VILL: variants seen among roughly 807,000 people sequenced by gnomAD.
VILL encodes villin like.
Under a neutral mutation model 106.3 loss-of-function variants are expected in VILL, and 102 were observed. That is an observed-to-expected ratio of 0.96 (90% CI 0.82 to 1.13). VILL has a LOEUF of 1.13. VILL is among the 50% of genes most tolerant of loss of function. The pLI is 0.00. For synonymous variants in VILL, 431 were observed against 440.3 expected, an observed-to-expected ratio of 0.98 and a Z score of 0.27; for missense variants, 1,076 against 1,116.6, an observed-to-expected ratio of 0.96 and a Z score of 0.52.
chr3:37,999,310 G>A (rs370937155), intron 10 of VILL, 29 bp from the exon 11 acceptor site: 8 of 1,474,810 alleles, frequency 5.4e-6, no homozygotes, highest in Middle Eastern at 1.9e-4. Context: ...GGCAGAGGGC[G>A]CCACTGACGC....
chr3:37,990,022 G>A (rs149135428), upstream of VILL, among the ~76,000 whole-genome samples: 72 of 152,324 alleles, frequency 4.7e-4, no homozygotes, highest in African/African-American at 1.7e-3. The surrounding 1 kb of genome is among the most constrained non-coding windows in gnomAD (Gnocchi z 5.1). Context: ...CTTTAGCAGC[G>A]TGGCTTTGAT....
chr3:38,006,131 G>A (rs763037842), intron 17 of VILL, 50 bp from the exon 18 acceptor site: 16 of 1,612,646 alleles, frequency 9.9e-6, no homozygotes, highest in African/African-American at 1.3e-5. Context: ...TCCCATTGGT[G>A]CCCCCTTCTC....
chr3:37,994,607 C>A, intron 4 of VILL, 141 bp downstream of exon 4: 1 of 849,748 alleles, frequency 1.2e-6, no homozygotes, highest in Non-Finnish European at 1.8e-6. Flanking sequence ...AGATACAACT[C>A]ATACGCCATA....
At chr3:37,990,137 C>T (rs1006482810), upstream of VILL, among the ~76,000 whole-genome samples, 2 of 152,206 alleles carry the variant, frequency 1.3e-5, no homozygotes, top group African/African-American at 4.8e-5. The surrounding 1 kb of genome is among the most constrained non-coding windows in gnomAD (Gnocchi z 5.1). Flanking sequence ...GCAGCCCCTC[C>T]ACCCCACAGT....
chr3:37,988,909 A>G (rs1034760841), upstream of VILL, among the ~76,000 whole-genome samples: 1 of 152,236 alleles, frequency 6.6e-6, no homozygotes, highest in Non-Finnish European at 1.5e-5. Flanking sequence ...AATTTTAAGT[A>G]TATTTTACTA....
In VILL at chr3:37,993,908, TG is replaced by T; in HGVS notation, c.73del (p.Val25CysfsTer96). 6.2e-7 allele frequency: 1 copy of T among 1,614,162 alleles called. No homozygotes were observed. Among genetic ancestry groups the T allele is most frequent in the Non-Finnish European group, 8.5e-7 (1 of 1,180,026 alleles). ...LHIWISENRK[M>X]VPVPEGAYGN... ...ACTCTCCTCTCCCAGAACCGGAAGATGGTGCCGGTACCCGAGGGGGCTTACG... is the reference window on the plus strand; with the variant it reads ...ACTCTCCTCTCCCAGAACCGGAAGATGTGCCGGTACCCGAGGGGGCTTACG... On this transcript the variant is annotated frameshift_variant, in exon 3 of 20. Transcript: ENST00000383759. LOFTEE classifies it high-confidence loss of function.
In VILL at chr3:37,997,675, C is replaced by T. The variant is rs773133530; in HGVS notation, c.754C>T (p.Arg252Cys). 1.6e-5 allele frequency: 26 copies of T among 1,584,310 alleles called. No homozygotes were observed. The highest frequency in any genetic ancestry group is 2.0e-5 in the Non-Finnish European group (23 of 1,163,086). ...CAACCAGCTGCAGAAGGCCAATGTT[C>T]GCCTGTACCAGTGAGTACCCCTGGG... ...DINQLQKANV[R>C]LYHVYEKGKD... Residue 252 changes from arginine (R) to cysteine (C), a missense_variant, in exon 7 of 20, where the codon CGC becomes TGC. Transcript: ENST00000383759. The surrounding 1 kb of genome is among the most constrained non-coding windows in gnomAD (Gnocchi z 4.7).
At chr3:37,993,473 A>G in intron 1 of VILL, 114 bp from the exon 2 acceptor site, 1 of 597,730 alleles carries the variant, frequency 1.7e-6, no homozygotes, top group Non-Finnish European at 3.0e-6. Context: ...TGCCCAACCC[A>G]CTCATATCAG....
In VILL at chr3:38,006,965, C is replaced by T. The variant is rs1487487189; in HGVS notation, c.2481C>T (p.Phe827=). ...RREFYLSDSD[F]QDIFGKSKEE... ...AGTTCTATCTCTCAGACTCTGACTT[C>T]CAAGATATCTTTGGGAAATCCAAGG... is the stretch of plus-strand genomic sequence containing the variant. Residue 827 remains phenylalanine (F), a synonymous_variant, in exon 20 of 20, where the codon TTC becomes TTT. Transcript: ENST00000383759. The T allele has an allele frequency of 1.2e-6, 2 of 1,614,132 alleles. No individual in the cohort carries two copies. Among genetic ancestry groups the T allele is most frequent in the Admixed American group, 3.3e-5 (2 of 60,010 alleles).
In VILL at chr3:38,005,956, G is replaced by T. The variant is rs747699556; in HGVS notation, c.2115G>T (p.Trp705Cys). ...CCTTCATTGGATGGTTCTTCACTTG[G>T]GACCCCTACAAGTGGACTGTGAGTG... The part of the protein sequence containing the change: ...PPTFIGWFFT[W>C]DPYKWTSHPS... Residue 705 changes from tryptophan to cysteine, a missense_variant, in exon 17 of 20, where the codon TGG becomes TGT. Coordinates refer to ENST00000383759, the MANE Select transcript of VILL (RefSeq NM_015873.4). The T allele has an allele frequency of 1.2e-6, 2 of 1,612,832 alleles. No individual in the cohort carries two copies. The highest frequency in any genetic ancestry group is 2.2e-5 in the South Asian group (2 of 90,978).
chr3:37,990,621 T>TC (rs1355898155), upstream of VILL: 3 of 152,576 alleles, frequency 2.0e-5, no homozygotes, highest in East Asian at 3.9e-4. The surrounding 1 kb of genome is among the most constrained non-coding windows in gnomAD (Gnocchi z 5.1). Flanking sequence ...AGGGCGCTGG[T>TC]CCCGACGGCT....
chr3:37,993,101 A>T (rs1699632987), intron 1 of VILL, among the ~76,000 whole-genome samples: 1 of 152,236 alleles, frequency 6.6e-6, no homozygotes, highest in Admixed American at 6.5e-5. Flanking sequence ...AAGTGCCAAG[A>T]CATAACAAAA....
rs564823039 is a variant in VILL, at chr3:37,991,627, C to A, written c.-87+798C>A. ...GAAACCAGGGAAGGAATTGGGCATC[C>A]GGAAGAGAAAGGGGCCCTGAGTGGA... On this transcript the variant is annotated intron_variant, in intron 1 of 19. Transcript: ENST00000383759. Among the ~76,000 whole-genome samples, 3 of 151,948 alleles carry A rather than the reference C, an allele frequency of 2.0e-5. No individual in the cohort carries two copies. In the East Asian group the frequency reaches 5.8e-4, roughly 30 times the overall value.
Position 37,997,386 on chromosome 3 carries a change from T to G in VILL, c.562-97T>G. 4 of 1,377,236 alleles carry G rather than the reference T, an allele frequency of 2.9e-6. No homozygotes were observed. The highest frequency in any genetic ancestry group is 4.0e-6 in the Non-Finnish European group (4 of 992,382). 85.3% of individuals were successfully genotyped at this position (1,377,236 alleles called of 1,614,324 possible). A position where few individuals can be genotyped will look rare whatever the true frequency, so the allele number is the denominator to read the frequency against. On this transcript the variant is annotated intron_variant, in intron 6 of 19. Coordinates refer to ENST00000383759, the MANE Select transcript of VILL (RefSeq NM_015873.4). The surrounding 1 kb of genome is among the most constrained non-coding windows in gnomAD (Gnocchi z 4.7). The stretch of plus-strand genomic sequence containing the variant: ...CAGGATGAGGGGACATCAGCCCTTC[T>G]CCCCATCAGCCTCTGGGAGCTGAGC...
At position 37,998,117 on chromosome 3, in the gene VILL, G is replaced by C. The variant is rs201754568; in HGVS notation, c.792G>C (p.Val264=). ...TCTATGAGAAGGGCAAAGACCTGGT[G>C]GTCCTGGAGTTGGCGACCCCCCCAC... is the stretch of plus-strand genomic sequence containing the variant. The part of the protein sequence containing the change: ...YHVYEKGKDL[V]VLELATPPLT... Residue 264 remains valine, a synonymous_variant, in exon 8 of 20, where the codon GTG becomes GTC. Transcript: ENST00000383759. This position sits in a 1 kb window ranked among gnomAD's most constrained non-coding sequence, Gnocchi z 4.1. The C allele has an allele frequency of 2.5e-6, 4 of 1,613,162 alleles. No individual in the cohort carries two copies. The East Asian group carries it at 8.9e-5, about 36-fold the overall frequency.
intron 3 of VILL, 25 bp downstream of exon 3, chr3:37,993,997 T>C (rs1699653146): frequency 1.2e-6 from 2 of 1,613,576 alleles, no homozygotes; most frequent in African/African-American, 1.3e-5. Flanking sequence ...GAAGTCTGCC[T>C]GAGAGGGGTG....
At chr3:38,002,919 C>T (rs1449820769) in intron 14 of VILL, 10 of 544,204 alleles carry the variant, frequency 1.8e-5, no homozygotes, top group South Asian at 1.6e-4. Context: ...ATGACTGACC[C>T]TCTAAGCCTG....
In VILL at chr3:37,997,599, GCT is replaced by G; in HGVS notation, c.679_680del (p.Leu227GlyfsTer31). On this transcript the variant is annotated frameshift_variant, in exon 7 of 20. Coordinates refer to ENST00000383759, the MANE Select transcript of VILL (RefSeq NM_015873.4). LOFTEE classifies it high-confidence loss of function. The surrounding 1 kb of genome is among the most constrained non-coding windows in gnomAD (Gnocchi z 4.7). The stretch of plus-strand genomic sequence containing the variant: ...ACCTCATGCAGATCATGGAGGCTGT[GCT>G]GGGCCGCAGGGTGGGCAGCCTGCGT... ...PDLMQIMEAV[L>X]GRRVGSLRAA... is the part of the protein sequence containing the mutation. 1 of 1,613,850 alleles carries G rather than the reference GCT, an allele frequency of 6.2e-7. No individual in the cohort carries two copies. Among genetic ancestry groups the G allele is most frequent in the Admixed American group, 1.7e-5 (1 of 60,024 alleles).
In VILL at chr3:37,994,331, G is replaced by A. The variant is rs755864837; in HGVS notation, c.206G>A (p.Gly69Asp). The A allele has an allele frequency of 1.2e-6, 2 of 1,611,596 alleles. No individual in the cohort carries two copies. Among genetic ancestry groups the A allele is most frequent in the Admixed American group, 1.7e-5 (1 of 59,946 alleles). The change falls in exon 4 of 20, where the codon GGT becomes GAT. Residue 69 changes from glycine (G) to aspartate (D), a missense_variant. Coordinates refer to ENST00000383759, the MANE Select transcript of VILL (RefSeq NM_015873.4). ...CACTACTGGGTCGGGAAGCAGGCGGGTGCGGAAGCGCAGGGCGCTGCGGAG... is the reference window on the plus strand; with the variant it reads ...CACTACTGGGTCGGGAAGCAGGCGGATGCGGAAGCGCAGGGCGCTGCGGAG... ...DLHYWVGKQA[G>D]AEAQGAAEAF...
Sources: allele counts gnomAD v4.1 joint callset (sites outside exome capture counted in the v4.1 genomes callset), GRCh38; gene constraint gnomAD v4.1.1; non-coding constraint Gnocchi (gnomAD v3.1); transcripts MANE v1.5; gene names NCBI Gene and HGNC (gene_info 2026-07-23, HGNC 2026-07-21).